SLA: variants seen among roughly 807,000 people sequenced by gnomAD.
The protein encoded by SLA is src-like-adapter.
Under a neutral mutation model 30.3 loss-of-function variants are expected in SLA, and 16 were observed. That is an observed-to-expected ratio of 0.53 (90% confidence interval 0.36 to 0.80). SLA has a LOEUF of 0.80. SLA is among the 30% of genes least tolerant of loss of function. The probability of loss-of-function intolerance (pLI) is 0.01; values close to 1 mark genes in which losing one functional copy is unlikely to be tolerated. For missense variants in SLA, 310 were observed against 345.2 expected, an observed-to-expected ratio of 0.90 and a Z score of 0.81; for synonymous variants, 143 against 137.8, an observed-to-expected ratio of 1.04 and a Z score of -0.26.
intron 1 of SLA, among the ~76,000 whole-genome samples, chr8:133,099,419 C>T (rs1003875375): frequency 3.3e-5 from 5 of 152,182 alleles, no homozygotes; most frequent in African/African-American, 9.7e-5. Context: ...AGAGTAGTGA[C>T]GGTGGGACTG....
At chr8:133,061,016 G>A (rs1842293954) in intron 2 of SLA, among the ~76,000 whole-genome samples, 1 of 152,168 alleles carries the variant, frequency 6.6e-6, no homozygotes, top group African/African-American at 2.4e-5. Context: ...AACCTTTTCT[G>A]TTTTTGTTTT....
chr8:133,095,878 A>G (rs752977284), intron 1 of SLA, among the ~76,000 whole-genome samples: 1 of 152,230 alleles, frequency 6.6e-6, no homozygotes, highest in Non-Finnish European at 1.5e-5. Context: ...TTCACCTGTC[A>G]GAGTCACTGC....
At position 133,077,877 on chromosome 8, in the gene SLA, C is replaced by T. The variant is rs7840281; in HGVS notation, c.-318-2747G>A. ...GACAGCAGGAGCCCCCCGCACCCCT[C>T]CAAGTCATGACAACCAAAAATGTCC... is the stretch of plus-strand genomic sequence containing the variant. On this transcript the variant is annotated intron_variant, in intron 1 of 8. Transcript: ENST00000338087. 4.6e-3 allele frequency among the ~76,000 whole-genome samples: 696 copies of T among 152,078 alleles called. 9 individuals carry two copies. Among genetic ancestry groups the T allele is most frequent in the African/African-American group, 0.016 (668 of 41,458 alleles).
intron 1 of SLA, among the ~76,000 whole-genome samples, chr8:133,084,248 GCAGTC>G (rs1846172752): frequency 1.3e-5 from 2 of 152,282 alleles, no homozygotes; most frequent in African/African-American, 4.8e-5. Flanking sequence ...CTCTGTCTAG[GCAGTC>G]CCCACTGCTC....
At chr8:133,043,774 T>C (rs1838771221) in intron 7 of SLA, among the ~76,000 whole-genome samples, 1 of 152,224 alleles carries the variant, frequency 6.6e-6, no homozygotes, top group African/African-American at 2.4e-5. Flanking sequence ...GCACTTTGCT[T>C]GCTCAGTTCA....
chr8:133,085,037 G>A (rs1846308960), intron 1 of SLA, among the ~76,000 whole-genome samples: 1 of 152,198 alleles, frequency 6.6e-6, no homozygotes, highest in Non-Finnish European at 1.5e-5. Context: ...TGCTTAGTGA[G>A]CACAAACTGA....
intron 4 of SLA, 106 bp from the exon 5 acceptor site, chr8:133,050,094 C>T: frequency 1.2e-6 from 1 of 809,934 alleles, no homozygotes; most frequent in Non-Finnish European, 2.2e-6. Context: ...TGGAACATTC[C>T]TCTTTTAAGA....
At chr8:133,040,273 G>A in intron 7 of SLA, 143 bp from the exon 8 acceptor site, 1 of 876,574 alleles carries the variant, frequency 1.1e-6, no homozygotes, top group Non-Finnish European at 1.7e-6. Context: ...GGCATGGTAG[G>A]TGGTGACAAT....
At chr8:133,096,122 C>T in intron 1 of SLA, 1 of 1,516,324 alleles carries the variant, frequency 6.6e-7, no homozygotes, top group Admixed American at 1.7e-5. Flanking sequence ...CCAGTATTGG[C>T]ATTCAGTATG....
chr8:133,053,529 A>G (rs1036405233), intron 3 of SLA, among the ~76,000 whole-genome samples: 5 of 152,126 alleles, frequency 3.3e-5, no homozygotes, highest in Non-Finnish European at 7.4e-5. Context: ...CCATTGTGGA[A>G]CCAGCCCCTT....
chr8:133,091,805 T>A (rs925675411), intron 1 of SLA, among the ~76,000 whole-genome samples: 2 of 152,102 alleles, frequency 1.3e-5, no homozygotes, highest in Non-Finnish European at 2.9e-5. Flanking sequence ...TGGGTCTCCC[T>A]GTGTCCATGA....
At chr8:133,042,885 G>T (rs895915637) in intron 7 of SLA, among the ~76,000 whole-genome samples, 34 of 151,478 alleles carry the variant, frequency 2.2e-4, no homozygotes, top group African/African-American at 7.7e-4. Context: ...GTGCAGACAG[G>T]GTTTCACCAT....
chr8:133,095,144 G>A, intron 1 of SLA: 1 of 1,614,252 alleles, frequency 6.2e-7, no homozygotes, highest in South Asian at 1.1e-5. Context: ...ATGTCATCCA[G>A]CCAAGAAGTG....
In SLA at chr8:133,038,658, T is replaced by TGCTCTCTC; in HGVS notation, c.689_696dup (p.Ile233GlufsTer10). 6.2e-7 allele frequency: 1 copy of TGCTCTCTC among 1,613,966 alleles called. No homozygotes were observed. Among genetic ancestry groups the TGCTCTCTC allele is most frequent in the African/African-American group, 1.3e-5 (1 of 74,974 alleles). ...CTGGTCAGGGACAGGTAAGAGGCAATGCTCTCTCGAAGGCCATAGCTGAAA... is the reference window on the plus strand; with the variant it reads ...CTGGTCAGGGACAGGTAAGAGGCAATGCTCTCTCGCTCTCTCGAAGGCCATAGCTGAAA... On this transcript the variant is annotated frameshift_variant, in exon 9 of 9. Coordinates refer to ENST00000338087, the MANE Select transcript of SLA (RefSeq NM_001045556.3). LOFTEE classifies it high-confidence loss of function.
intron 2 of SLA, among the ~76,000 whole-genome samples, chr8:133,062,715 G>A (rs755159097): frequency 2.7e-5 from 4 of 148,822 alleles, no homozygotes; most frequent in Non-Finnish European, 3.0e-5. Context: ...ACAGGGTGTC[G>A]TACACAGGCC....
At chr8:133,056,211 A>T (rs933087659) in intron 3 of SLA, among the ~76,000 whole-genome samples, 1 of 152,226 alleles carries the variant, frequency 6.6e-6, no homozygotes, top group Non-Finnish European at 1.5e-5. Context: ...AAGCAATGTG[A>T]CATCGTGGAT....
In SLA at chr8:133,036,736, G is replaced by A. The variant is rs1837186623; in HGVS notation, c.*1788C>T. The stretch of plus-strand genomic sequence containing the variant: ...CAGAAACTCTCCCTGTGTGCCAAGG[G>A]TTAAATATTTATTAGGTTTGTTTTA... On this transcript the variant is annotated 3_prime_UTR_variant, in exon 9 of 9. Transcript: ENST00000338087. The A allele has an allele frequency of 6.6e-6, 1 of 152,574 alleles. No individual in the cohort carries two copies. The highest frequency in any genetic ancestry group is 6.5e-5 in the Admixed American group (1 of 15,282). The allele number at this position is 152,574 out of a possible 1,614,324, so 9.5% of individuals were successfully genotyped here.
chr8:133,102,529 A>G (rs79243630), intron 1 of SLA, 24 bp downstream of exon 1: 87,344 of 1,550,770 alleles, frequency 0.056, 2,868 homozygotes, highest in Middle Eastern at 0.073. Flanking sequence ...GGGGGTCCCA[A>G]TGACAGCAAA....
chr8:133,078,429 C>T, intron 1 of SLA, among the ~76,000 whole-genome samples: 1 of 152,198 alleles, frequency 6.6e-6, no homozygotes, highest in Non-Finnish European at 1.5e-5. Context: ...TTCCCTGCTC[C>T]TCCACCACCC....
Sources: allele counts gnomAD v4.1 joint callset (sites outside exome capture counted in the v4.1 genomes callset), GRCh38; gene constraint gnomAD v4.1.1; transcripts MANE v1.5; gene names NCBI Gene and HGNC (gene_info 2026-07-23, HGNC 2026-07-21).